The following SLC44A5 variants were observed in gnomAD, a reference collection of about 807,000 sequenced individuals.
The protein encoded by SLC44A5 is choline transporter-like protein 5.
In SLC44A5, 57 loss-of-function variants were observed where a neutral mutation model predicts 101.8. The observed-to-expected ratio is 0.56, with a 90% CI of 0.45 to 0.70. The LOEUF (loss-of-function observed/expected upper bound fraction) is 0.70, where lower values mean the gene tolerates loss of function less well. Among genes scored for constraint, SLC44A5 ranks in the 30% least tolerant of loss-of-function variants. The pLI, the probability that SLC44A5 is intolerant of heterozygous loss-of-function variation, is 0.00. For synonymous variants in SLC44A5, 281 were observed against 290.9 expected, an observed-to-expected ratio of 0.97 and a Z score of 0.35; for missense variants, 737 against 853.1, an observed-to-expected ratio of 0.86 and a Z score of 1.70.
At chr1:75,330,216 T>G (rs530210468) in intron 4 of SLC44A5, among the ~76,000 whole-genome samples, 57 of 150,432 alleles carry the variant, frequency 3.8e-4, no homozygotes, top group African/African-American at 1.4e-3. Context: ...TATTCTAGAT[T>G]AATAATATAT....
chr1:75,361,104 A>G (rs925814486), intron 3 of SLC44A5, among the ~76,000 whole-genome samples: 6 of 151,980 alleles, frequency 3.9e-5, no homozygotes, highest in Non-Finnish European at 7.4e-5. Flanking sequence ...TCCTTTTGAA[A>G]TAGTTTGTTA....
intron 2 of SLC44A5, among the ~76,000 whole-genome samples, chr1:75,494,214 G>A (rs989888502): frequency 1.3e-5 from 2 of 152,098 alleles, no homozygotes; most frequent in African/African-American, 4.8e-5. Context: ...CCTTTATCTT[G>A]AACTTCCCAG....
intron 3 of SLC44A5, among the ~76,000 whole-genome samples, chr1:75,341,444 T>G (rs927410256): frequency 6.6e-6 from 1 of 150,886 alleles, no homozygotes; most frequent in Non-Finnish European, 1.5e-5. Flanking sequence ...ATTGTGGCAC[T>G]GTACTCCAGC....
chr1:75,657,264 G>A, the SLC44A5 span, among the ~76,000 whole-genome samples: 1 of 152,156 alleles, frequency 6.6e-6, no homozygotes, highest in Non-Finnish European at 1.5e-5. Flanking sequence ...TGAAAGTGAA[G>A]AGGGCCAGAT....
chr1:75,665,498 A>G, the SLC44A5 span, among the ~76,000 whole-genome samples: 2 of 152,192 alleles, frequency 1.3e-5, no homozygotes. Flanking sequence ...AACTATAAAA[A>G]TCCTAGAAGA....
At chr1:75,653,194 C>G in the SLC44A5 span, among the ~76,000 whole-genome samples, 1 of 152,116 alleles carries the variant, frequency 6.6e-6, no homozygotes, top group Non-Finnish European at 1.5e-5. Context: ...CAGAAACTCA[C>G]TCAAAAATGA....
intron 2 of SLC44A5, among the ~76,000 whole-genome samples, chr1:75,437,149 T>C (rs188463151): frequency 1.5e-4 from 23 of 152,274 alleles, no homozygotes; most frequent in Admixed American, 4.6e-4. Context: ...AAGTATAGTA[T>C]AGGAAATATA....
chr1:75,273,894 A>G (rs538536208), intron 6 of SLC44A5, among the ~76,000 whole-genome samples: 15 of 152,204 alleles, frequency 9.9e-5, no homozygotes, highest in Middle Eastern at 6.8e-3. Flanking sequence ...GCTTCCTAGA[A>G]TGATATAGGA....
intron 6 of SLC44A5, among the ~76,000 whole-genome samples, chr1:75,263,626 C>A (rs1382894844): frequency 3.9e-5 from 6 of 152,290 alleles, no homozygotes; most frequent in African/African-American, 1.4e-4. Flanking sequence ...AATCCCATTA[C>A]TGGGTATATA....
chr1:75,225,472 C>T (rs916483522), intron 13 of SLC44A5, among the ~76,000 whole-genome samples: 5 of 152,100 alleles, frequency 3.3e-5, no homozygotes, highest in Non-Finnish European at 5.9e-5. Flanking sequence ...TAAATATATT[C>T]GATGCCCTAT....
At chr1:75,479,465 G>T (rs1414587786) in intron 2 of SLC44A5, among the ~76,000 whole-genome samples, 4 of 152,086 alleles carry the variant, frequency 2.6e-5, no homozygotes, top group Admixed American at 2.0e-4. Context: ...TCCAGGAGCT[G>T]GTTTTTTGAA....
At chr1:75,252,753 T>C (rs1381130913) in intron 6 of SLC44A5, among the ~76,000 whole-genome samples, 2 of 151,960 alleles carry the variant, frequency 1.3e-5, no homozygotes, top group African/African-American at 2.4e-5. Context: ...CACAAGAGAA[T>C]TGAAAAAAAG....
chr1:75,631,274 T>C, the SLC44A5 span, among the ~76,000 whole-genome samples: 1 of 152,188 alleles, frequency 6.6e-6, no homozygotes. Flanking sequence ...AACATATTGT[T>C]TTGTTGTTAA....
chr1:75,260,956 T>A (rs629226), intron 6 of SLC44A5, among the ~76,000 whole-genome samples: 119,064 of 152,044 alleles, frequency 0.78, 46,956 homozygotes, highest in East Asian at 0.95. Context: ...GGCAGAAATA[T>A]AGATGTTCTT....
chr1:75,557,779 C>T (rs900060278), intron 1 of SLC44A5, among the ~76,000 whole-genome samples: 8 of 151,992 alleles, frequency 5.3e-5, no homozygotes, highest in Admixed American at 5.3e-4. Flanking sequence ...AATTTATTTG[C>T]TCAATGATCC....
rs1570338656 is a variant in SLC44A5, at chr1:75,202,441, G to A, written c.*1286C>T. On this transcript the variant is annotated 3_prime_UTR_variant, in exon 24 of 24. Transcript: ENST00000370859. ...ATTATATGATTGACATTCTCTTAGG[G>A]TGAATACTTTTCTGGACTCTTTCTG... 2 of 152,216 alleles carry A rather than the reference G, an allele frequency of 1.3e-5. No homozygotes were observed. The highest frequency in any genetic ancestry group is 1.3e-4 in the Admixed American group (2 of 15,288). The allele number at this position is 152,216 out of a possible 1,614,324, so 9.4% of individuals were successfully genotyped here.
chr1:75,590,760 C>A (rs530483780), intron 1 of SLC44A5, among the ~76,000 whole-genome samples: 1 of 152,270 alleles, frequency 6.6e-6, no homozygotes, highest in East Asian at 1.9e-4. Context: ...CTACATCTTG[C>A]AGTTTGAGTG....
chr1:75,289,957 G>T (rs617196), intron 5 of SLC44A5, among the ~76,000 whole-genome samples: 126,600 of 152,220 alleles, frequency 0.83, 52,928 homozygotes, highest in East Asian at 0.97. Context: ...TTGAAGATAC[G>T]TTTGTCTCAC....
chr1:75,679,673 G>C, the SLC44A5 span, among the ~76,000 whole-genome samples: 21 of 152,076 alleles, frequency 1.4e-4, no homozygotes, highest in East Asian at 2.1e-3. Flanking sequence ...AAAATGTAAA[G>C]ACCATCGAGA....
Sources: allele counts gnomAD v4.1 joint callset (sites outside exome capture counted in the v4.1 genomes callset), GRCh38; gene constraint gnomAD v4.1.1; transcripts MANE v1.5; gene names NCBI Gene and HGNC (gene_info 2026-07-23, HGNC 2026-07-21).